The following SMARCAL1 variants were observed in gnomAD, a reference collection of about 807,000 sequenced individuals.
SMARCAL1 encodes SNF2 related chromatin remodeling annealing helicase 1, also known as ATP-driven annealing helicase.
In SMARCAL1, 58 loss-of-function variants were observed where a neutral mutation model predicts 94.5. That is an observed-to-expected ratio of 0.61 (90% CI 0.50 to 0.76). The LOEUF is 0.76. Ranked by LOEUF, SMARCAL1 falls within the 30% of genes least tolerant of loss-of-function variation. The pLI is 0.00. For missense variants in SMARCAL1, 1,051 were observed against 1,177.9 expected, an observed-to-expected ratio of 0.89 and a Z score of 1.58; for synonymous variants, 422 against 455.1, an observed-to-expected ratio of 0.93 and a Z score of 0.93.
At position 216,444,327 on chromosome 2, in the gene SMARCAL1, G is replaced by C. The variant is rs112464272; in HGVS notation, c.1711-2691G>C. Among the ~76,000 whole-genome samples the C allele has an allele frequency of 3.3e-3, 504 of 151,864 alleles. 2 individuals are homozygous for C. Among genetic ancestry groups the C allele is most frequent in the African/African-American group, 0.012 (491 of 41,460 alleles). ...GAACATGATTTTTTTCCTAGTCTAGGGTTTTGGCAAAATATGTTACAGCCC... is the reference window on the plus strand; with the variant it reads ...GAACATGATTTTTTTCCTAGTCTAGCGTTTTGGCAAAATATGTTACAGCCC... On this transcript the variant is annotated intron_variant, in intron 10 of 17. Coordinates refer to ENST00000357276, the MANE Select transcript of SMARCAL1 (RefSeq NM_014140.4).
At chr2:216,459,609 T>A (rs2106066317) in intron 12 of SMARCAL1, among the ~76,000 whole-genome samples, 1 of 152,176 alleles carries the variant, frequency 6.6e-6, no homozygotes, top group East Asian at 1.9e-4. Context: ...TAACAAATGG[T>A]GCTGGGAAAA....
At position 216,475,408 on chromosome 2, in the gene SMARCAL1, C is replaced by T. The variant is rs1293966405; in HGVS notation, c.2384C>T (p.Ser795Leu). The T allele has an allele frequency of 3.1e-6, 5 of 1,614,190 alleles. No homozygotes were observed. In the South Asian group the frequency reaches 3.3e-5, roughly 11 times the overall value. Residue 795 changes from serine to leucine, a missense_variant, in exon 15 of 18, where the codon TCG (serine) becomes TTG (leucine). By Grantham distance (145) the Ser-to-Leu change is moderately radical. Coordinates refer to ENST00000357276, the MANE Select transcript of SMARCAL1 (RefSeq NM_014140.4). The surrounding 1 kb of genome is among the most constrained non-coding windows in gnomAD (Gnocchi z 4.4). ...GCCAATATGGGCCTCACCTTCTCCT[C>T]GGCTGACCTGGTGGTGTTTGCTGAG... ...TAANMGLTFS[S>L]ADLVVFAELF... is the part of the protein sequence containing the mutation.
At chr2:216,420,631 C>A in intron 5 of SMARCAL1, 99 bp downstream of exon 5, 1 of 914,866 alleles carries the variant, frequency 1.1e-6, no homozygotes, top group Non-Finnish European at 1.8e-6. Context: ...AAATTACTTT[C>A]TTGGGAAAGA....
At chr2:216,416,207 G>C (rs569967960) in intron 3 of SMARCAL1, 50 bp from the exon 4 acceptor site, 13 of 1,509,118 alleles carry the variant, frequency 8.6e-6, no homozygotes, top group South Asian at 7.9e-5. Flanking sequence ...CTTGTGTTGA[G>C]TGCCTAAGTA....
chr2:216,461,691 G>A (rs62180599), intron 12 of SMARCAL1, among the ~76,000 whole-genome samples: 4 of 152,180 alleles, frequency 2.6e-5, no homozygotes, highest in African/African-American at 4.8e-5. Context: ...TTAGCTGGGC[G>A]TGGTAGTGTG....
chr2:216,438,373 C>G, intron 9 of SMARCAL1, 47 bp from the exon 10 acceptor site: 1 of 1,521,280 alleles, frequency 6.6e-7, no homozygotes, highest in South Asian at 1.1e-5. Flanking sequence ...ATATTTCTGT[C>G]CACTCAGGAT....
intron 8 of SMARCAL1, among the ~76,000 whole-genome samples, chr2:216,434,774 G>A (rs1486647555): frequency 6.6e-6 from 1 of 151,702 alleles, no homozygotes; most frequent in Non-Finnish European, 1.5e-5. Context: ...GAGCCTAGGA[G>A]TTTGAGGCTG....
chr2:216,458,531 C>T (rs1233960307), intron 12 of SMARCAL1, among the ~76,000 whole-genome samples: 9 of 152,252 alleles, frequency 5.9e-5, no homozygotes, highest in East Asian at 5.8e-4. Context: ...GTTCAACATA[C>T]GCAAATCAAT....
At chr2:216,437,760 GA>G (rs139538097) in intron 9 of SMARCAL1, among the ~76,000 whole-genome samples, 18,604 of 151,442 alleles carry the variant, frequency 0.12, 1,222 homozygotes, top group South Asian at 0.18. Context: ...GCAACAAAAA[GA>G]AAAAAAGAAT....
At chr2:216,435,203 C>T (rs1694055004) in intron 8 of SMARCAL1, 135 bp from the exon 9 acceptor site, 3 of 890,888 alleles carry the variant, frequency 3.4e-6, no homozygotes, top group South Asian at 3.1e-5. Flanking sequence ...CTGTTAGTGG[C>T]AAGTGAAGGG....
chr2:216,437,615 A>G (rs1173116086), intron 9 of SMARCAL1, among the ~76,000 whole-genome samples: 2 of 152,196 alleles, frequency 1.3e-5, no homozygotes, highest in Non-Finnish European at 2.9e-5. Flanking sequence ...AACTGGCATT[A>G]CAGAGAGGTG....
chr2:216,450,596 G>C (rs1694426177), intron 11 of SMARCAL1, among the ~76,000 whole-genome samples: 1 of 152,228 alleles, frequency 6.6e-6, no homozygotes, highest in Admixed American at 6.5e-5. Flanking sequence ...GGAAAAGAAA[G>C]CTCACTGCCA....
intron 12 of SMARCAL1, chr2:216,451,515 T>G: frequency 5.2e-6 from 1 of 193,556 alleles, no homozygotes; most frequent in Non-Finnish European, 1.1e-5. Flanking sequence ...TATAACAAAA[T>G]AGAGTTTTCA....
At chr2:216,477,431 C>T (rs1360626754) in intron 16 of SMARCAL1, among the ~76,000 whole-genome samples, 1 of 152,154 alleles carries the variant, frequency 6.6e-6, no homozygotes, top group Non-Finnish European at 1.5e-5. Context: ...AATCTTATAG[C>T]AATAAGGGGT....
At chr2:216,448,836 A>G (rs1694377837) in intron 11 of SMARCAL1, among the ~76,000 whole-genome samples, 1 of 152,114 alleles carries the variant, frequency 6.6e-6, no homozygotes, top group African/African-American at 2.4e-5. Flanking sequence ...TGTCTCAAAA[A>G]AAAAAAAGAA....
chr2:216,481,418 A>C (rs1350887912), intron 17 of SMARCAL1, among the ~76,000 whole-genome samples: 1 of 152,036 alleles, frequency 6.6e-6, no homozygotes, highest in Non-Finnish European at 1.5e-5. Context: ...CTGGTCTCTA[A>C]TTCCTGAGCT....
chr2:216,429,021 C>A (rs756750514), intron 7 of SMARCAL1, among the ~76,000 whole-genome samples: 2 of 152,176 alleles, frequency 1.3e-5, no homozygotes, highest in East Asian at 3.8e-4. Context: ...AAACCCAATT[C>A]AAATTAGCTT....
chr2:216,431,359 T>C (rs1285957242), intron 7 of SMARCAL1, among the ~76,000 whole-genome samples: 1 of 152,232 alleles, frequency 6.6e-6, no homozygotes, highest in Non-Finnish European at 1.5e-5. Flanking sequence ...GAGCAAATGA[T>C]CTATTTTTCA....
At chr2:216,472,713 G>A (rs1200386983) in intron 14 of SMARCAL1, among the ~76,000 whole-genome samples, 3 of 148,340 alleles carry the variant, frequency 2.0e-5, no homozygotes, top group African/African-American at 7.4e-5. Flanking sequence ...TCAAAGAAAT[G>A]ACACCAGTAG....
Sources: gnomAD v4.1 joint callset for allele counts (sites outside exome capture counted in the v4.1 genomes callset) on GRCh38, gnomAD v4.1.1 for gene constraint, Gnocchi (gnomAD v3.1) non-coding constraint, MANE v1.5 for transcripts, NCBI Gene and HGNC (gene_info 2026-07-23, HGNC 2026-07-21) for gene names.